MED1: variants seen among roughly 807,000 people sequenced by gnomAD.
MED1 encodes the protein mediator complex subunit 1, also known as mediator of RNA polymerase II transcription subunit 1.
In MED1, 17 loss-of-function variants were observed where a neutral mutation model predicts 121.3. The observed-to-expected ratio is 0.14, with a 90% CI of 0.10 to 0.21. MED1 has a LOEUF of 0.21. Ranked by LOEUF, MED1 falls within the 10% of genes least tolerant of loss-of-function variation. The pLI is 1.00. For synonymous variants in MED1, 661 were observed against 694.4 expected, an observed-to-expected ratio of 0.95 and a Z score of 0.76; for missense variants, 1,558 against 1,919.4, an observed-to-expected ratio of 0.81 and a Z score of 3.52.
intron 10 of MED1, 125 bp downstream of exon 10, chr17:39,427,574 TGA>T (rs1161088496): frequency 8.0e-6 from 5 of 626,186 alleles, no homozygotes. Context: ...TATACGTGTG[TGA>T]GGTGTTGTGT....
intron 3 of MED1, among the ~76,000 whole-genome samples, chr17:39,441,887 G>A (rs2048678495): frequency 6.6e-6 from 1 of 152,196 alleles, no homozygotes; most frequent in East Asian, 1.9e-4. Flanking sequence ...CAGATCACCT[G>A]AGGTCAGGAG....
intron 13 of MED1, among the ~76,000 whole-genome samples, chr17:39,421,800 A>C (rs2048467444): frequency 6.6e-6 from 1 of 151,576 alleles, no homozygotes; most frequent in African/African-American, 2.4e-5. Flanking sequence ...ATAACACCTA[A>C]TTATGATATT....
rs1222433962 is a variant in MED1, at chr17:39,451,039, C to G, written c.24G>C (p.Glu8Asp). ...CTCCTTTCCCCTACAGTCACTTACCCTCGGTTTCCCCCTGAGCTTTCATCC... is the reference window on the plus strand; with the variant it reads ...CTCCTTTCCCCTACAGTCACTTACCGTCGGTTTCCCCCTGAGCTTTCATCC... MKAQGET[E>D]ESEKLSKMSS... The change falls in exon 1 of 17, where the codon GAG becomes GAC. Residue 8 changes from glutamate to aspartate, a missense_variant and splice_region_variant. Around this residue, in one of 5 missense-constraint regions of MED1, gnomAD observed 443 missense variants for 532.4 expected, o/e 0.83. Coordinates refer to ENST00000300651, the MANE Select transcript of MED1 (RefSeq NM_004774.4). 1.9e-6 allele frequency: 3 copies of G among 1,611,728 alleles called. No homozygotes were observed. Among genetic ancestry groups the G allele is most frequent in the East Asian group, 2.2e-5 (1 of 44,640 alleles).
At position 39,409,852 on chromosome 17, in the gene MED1, G is replaced by A. The variant is rs1567638921; in HGVS notation, c.2369C>T (p.Ala790Val). ...ATCACTAGTGCTGGGAAGTTTAGAAGCTTCTTCTGCAATGTCTGAAAGGAT... is the reference window on the plus strand; with the variant it reads ...ATCACTAGTGCTGGGAAGTTTAGAAACTTCTTCTGCAATGTCTGAAAGGAT... ...TDILSDIAEE[A>V]SKLPSTSDDC... The change falls in exon 17 of 17, where the codon GCT becomes GTT. Residue 790 changes from alanine to valine, a missense_variant. Around this residue, in one of 5 missense-constraint regions of MED1, gnomAD observed 793 missense variants for 898.2 expected, o/e 0.88. Transcript: ENST00000300651. 1 of 1,614,048 alleles carries A rather than the reference G, an allele frequency of 6.2e-7. No homozygotes were observed. The highest frequency in any genetic ancestry group is 1.3e-5 in the African/African-American group (1 of 74,916).
At position 39,419,875 on chromosome 17, in the gene MED1, G is replaced by C. The variant is rs769530041; in HGVS notation, c.1139C>G (p.Ala380Gly). 3 of 1,613,998 alleles carry C rather than the reference G, an allele frequency of 1.9e-6. No individual in the cohort carries two copies. Among genetic ancestry groups the C allele is most frequent in the Non-Finnish European group, 2.5e-6 (3 of 1,180,006 alleles). ...QQHCYFLNKD[A>G]PLPDGRSLQG... is the part of the protein sequence containing the mutation. ...TAGACTTCGGCCATCTGGAAGAGGA[G>C]CATCCTTGTTGAGGAAATAGCAGTG... The change falls in exon 14 of 17, where the codon GCT becomes GGT. Residue 380 changes from alanine (A) to glycine (G), a missense_variant. Ala to Gly is a moderately conservative substitution (Grantham distance 60, BLOSUM62 0). This residue lies in a region of MED1 where 443 missense variants were observed against 532.4 expected (regional missense o/e 0.83). Coordinates refer to ENST00000300651, the MANE Select transcript of MED1 (RefSeq NM_004774.4).
At chr17:39,419,343 T>C (rs1474650066) in intron 14 of MED1, among the ~76,000 whole-genome samples, 2 of 152,100 alleles carry the variant, frequency 1.3e-5, no homozygotes, top group Non-Finnish European at 2.9e-5. Context: ...CCCAAAGTGC[T>C]GGGATTACAG....
In MED1 at chr17:39,405,161, C is replaced by T. The variant is rs1356508495; in HGVS notation, c.*2314G>A. 32 of 1,491,408 alleles carry T rather than the reference C, an allele frequency of 2.1e-5. No homozygotes were observed. The highest frequency in any genetic ancestry group is 2.7e-5 in the Non-Finnish European group (30 of 1,110,116). 92.4% of individuals were successfully genotyped at this position (1,491,408 alleles called of 1,614,324 possible). The stretch of plus-strand genomic sequence containing the variant: ...TTCTCCTCCACCCTGTGGAGAAATG[C>T]AGTGCTCCCTGGTTCTCAGGCAGGG... On this transcript the variant is annotated 3_prime_UTR_variant, in exon 17 of 17. Coordinates refer to ENST00000300651, the MANE Select transcript of MED1 (RefSeq NM_004774.4).
At position 39,410,111 on chromosome 17, in the gene MED1, T is replaced by C; in HGVS notation, c.2110A>G (p.Thr704Ala). ...AGCTCCCTCTGAAAGTCATCTTCAG[T>C]CTGGTGCTTTGGTTTCTCAGGTGGT... ...RLPPEKPKHQ[T>A]EDDFQRELFS... The change falls in exon 17 of 17, where the codon ACT becomes GCT. Residue 704 changes from threonine to alanine, a missense_variant. Thr to Ala is a moderately conservative substitution (Grantham distance 58). Around this residue, in one of 5 missense-constraint regions of MED1, gnomAD observed 793 missense variants for 898.2 expected, o/e 0.88. Coordinates refer to ENST00000300651, the MANE Select transcript of MED1 (RefSeq NM_004774.4). 6.2e-7 allele frequency: 1 copy of C among 1,614,120 alleles called. No homozygotes were observed. Among genetic ancestry groups the C allele is most frequent in the Non-Finnish European group, 8.5e-7 (1 of 1,180,010 alleles).
chr17:39,433,638 C>G (rs949757359), intron 7 of MED1, among the ~76,000 whole-genome samples: 1 of 151,886 alleles, frequency 6.6e-6, no homozygotes, highest in Non-Finnish European at 1.5e-5. Flanking sequence ...ACTGCACCCT[C>G]AAACTACTAG....
Position 39,405,758 on chromosome 17 carries a change from A to C in MED1, c.*1717T>G. ...AGAGCTGATGACAATAAAAAGGAGA[A>C]CACTAGAGGAAATGAGACAGGAAAG... is the stretch of plus-strand genomic sequence containing the variant. On this transcript the variant is annotated 3_prime_UTR_variant, in exon 17 of 17. Coordinates refer to ENST00000300651, the MANE Select transcript of MED1 (RefSeq NM_004774.4). The C allele has an allele frequency of 3.0e-6, 3 of 987,598 alleles. No individual in the cohort carries two copies. The highest frequency in any genetic ancestry group is 3.6e-6 in the Non-Finnish European group (3 of 831,274). The allele number at this position is 987,598 out of a possible 1,614,324, so 61.2% of individuals were successfully genotyped here.
chr17:39,450,237 A>T (rs552678716), intron 1 of MED1, among the ~76,000 whole-genome samples: 1 of 152,256 alleles, frequency 6.6e-6, no homozygotes, highest in African/African-American at 2.4e-5. Flanking sequence ...GGTGTGAGTC[A>T]CTGCTCCCGG....
intron 9 of MED1, 104 bp from the exon 10 acceptor site, chr17:39,427,894 A>G: frequency 1.4e-6 from 1 of 722,076 alleles, no homozygotes; most frequent in African/African-American, 1.8e-5. Flanking sequence ...AAGTACTTTA[A>G]CATATATGAA....
Position 39,423,373 on chromosome 17 carries a change from T to G in MED1, c.1049A>C (p.Lys350Thr). 1 of 1,613,978 alleles carries G rather than the reference T, an allele frequency of 6.2e-7. No individual in the cohort carries two copies. Among genetic ancestry groups the G allele is most frequent in the South Asian group, 1.1e-5 (1 of 91,084 alleles). ...ATTCAAAGGTATGGGGTCAGGGTCC[T>G]TTGATAGCTCAAACTGAGTGATCAG... ...YELITQFELS[K>T]DPDPIPLNHN... is the part of the protein sequence containing the mutation. The change falls in exon 13 of 17, where the codon AAG (lysine) becomes ACG (threonine). Residue 350 changes from lysine to threonine, a missense_variant. Lys to Thr is a moderately conservative substitution (Grantham distance 78, BLOSUM62 -1). Transcript: ENST00000300651.
At chr17:39,414,634 C>CTTTTT (rs55829399) in intron 16 of MED1, among the ~76,000 whole-genome samples, 12 of 61,558 alleles carry the variant, frequency 1.9e-4, no homozygotes, top group Admixed American at 6.2e-4. Flanking sequence ...CAGGCCCGGC[C>CTTTTT]TTTTTTTTTT....
chr17:39,413,455 T>G (rs1242000207), intron 16 of MED1, among the ~76,000 whole-genome samples: 1 of 152,108 alleles, frequency 6.6e-6, no homozygotes, highest in Non-Finnish European at 1.5e-5. Flanking sequence ...AGAGATGACA[T>G]CTCAACATGT....
At chr17:39,416,733 C>A (rs954174608) in intron 14 of MED1, among the ~76,000 whole-genome samples, 1 of 152,114 alleles carries the variant, frequency 6.6e-6, no homozygotes, top group South Asian at 2.1e-4. Context: ...TGCCTGTAAT[C>A]CCAACACTTT....
At chr17:39,435,741 G>C (rs1167211584) in intron 6 of MED1, among the ~76,000 whole-genome samples, 2 of 151,860 alleles carry the variant, frequency 1.3e-5, no homozygotes, top group Non-Finnish European at 1.5e-5. Flanking sequence ...TGTCGTCCAG[G>C]CTGGAGTCCG....
rs1381097224 is a variant in MED1 at position 39,404,810 on chromosome 17, TCACCAACCTCAAG to T, written c.*2652_*2664del. ...CTGAAGAAAGAAAATCTTTCAAGAG[TCACCAACCTCAAG>T]CCTGGTTTTGGCAATTATATCCTGC... On this transcript the variant is annotated 3_prime_UTR_variant, in exon 17 of 17. Coordinates refer to ENST00000300651, the MANE Select transcript of MED1 (RefSeq NM_004774.4). 1 of 154,226 alleles carries T rather than the reference TCACCAACCTCAAG, an allele frequency of 6.5e-6. No homozygotes were observed. The highest frequency in any genetic ancestry group is 1.9e-4 in the East Asian group (1 of 5,392). The allele number at this position is 154,226 out of a possible 1,614,324, so 9.6% of individuals were successfully genotyped here.
rs546027863 is a variant in MED1 at position 39,449,041 on chromosome 17, CT to C, written c.26-1138del. Among the ~76,000 whole-genome samples the C allele has an allele frequency of 4.8e-3, 695 of 145,402 alleles. 3 individuals are homozygous for C. The highest frequency in any genetic ancestry group is 0.012 in the African/African-American group (496 of 39,852). On this transcript the variant is annotated intron_variant, in intron 1 of 16. Coordinates refer to ENST00000300651, the MANE Select transcript of MED1 (RefSeq NM_004774.4). ...CACCCAAGGAGTACATCTTTCTTTT[CT>C]TTTTTTTTTTTAAGACAGAGTATCA...
Sources: gnomAD v4.1 joint callset for allele counts (sites outside exome capture counted in the v4.1 genomes callset) on GRCh38, gnomAD v4.1.1 for gene constraint, gnomAD v4.1.1 regional missense constraint, MANE v1.5 for transcripts, NCBI Gene and HGNC (gene_info 2026-07-23, HGNC 2026-07-21) for gene names.